ZNF878: variants seen among roughly 807,000 people sequenced by gnomAD.
ZNF878 encodes the protein zinc finger protein 878.
Under a neutral mutation model 11.1 loss-of-function variants are expected in ZNF878, and 10 were observed. The observed-to-expected ratio is 0.90, with a 90% CI of 0.56 to 1.53. The LOEUF (loss-of-function observed/expected upper bound fraction) is 1.53, where lower values mean the gene tolerates loss of function less well. ZNF878 is among the 40% of genes most tolerant of loss of function. The pLI is 0.00. For synonymous variants in ZNF878, 165 were observed against 209.7 expected (o/e 0.79, Z 1.84); for missense variants, 548 against 626.1 (o/e 0.88, Z 1.33).
Position 12,043,992 on chromosome 19 carries a change from T to C in ZNF878, c.1409A>G (p.Lys470Arg). 6.2e-7 allele frequency: 1 copy of C among 1,610,714 alleles called. No individual in the cohort carries two copies. The highest frequency in any genetic ancestry group is 2.2e-5 in the East Asian group (1 of 44,704). ...FISSNSIRYH[K>R]RTHTGEKPYK... The stretch of plus-strand genomic sequence containing the variant: ...GGGTTTCTCTCCAGTGTGAGTCCTT[T>C]TATGATAGCGAATAGAATTAGAAGA... Residue 470 changes from lysine (K) to arginine (R), a missense_variant, in exon 4 of 4, where the codon AAA becomes AGA. Lys to Arg is a conservative substitution (Grantham distance 26). Around this residue, in one of 3 missense-constraint regions of ZNF878, gnomAD observed 335 missense variants for 358.2 expected, o/e 0.94. Transcript: ENST00000547628.
At position 12,052,951 on chromosome 19, in the gene ZNF878, G is replaced by A; in HGVS notation, c.-150C>T. The A allele has an allele frequency of 1.5e-6, 2 of 1,345,910 alleles. No homozygotes were observed. Among genetic ancestry groups the A allele is most frequent in the Non-Finnish European group, 2.0e-6 (2 of 995,206 alleles). 83.4% of individuals were successfully genotyped at this position (1,345,910 alleles called of 1,614,324 possible). A position where few individuals can be genotyped will look rare whatever the true frequency, so the allele number is the denominator to read the frequency against. ...CCCCAGACCTTAACTAGCGCGAGCAGCCCTAGGAGTGAAGAGAGCGGGAAT... is the reference window on the plus strand; with the variant it reads ...CCCCAGACCTTAACTAGCGCGAGCAACCCTAGGAGTGAAGAGAGCGGGAAT... On this transcript the variant is annotated 5_prime_UTR_variant, in exon 1 of 4. Transcript: ENST00000547628.
chr19:12,052,576 G>T (rs1975561925), intron 1 of ZNF878, among the ~76,000 whole-genome samples: 1 of 152,324 alleles, frequency 6.6e-6, no homozygotes, highest in African/African-American at 2.4e-5. Flanking sequence ...CCGGGGCCGG[G>T]GCCGCAGTCG....
At chr19:12,049,481 A>AAAAAAAAAAAAG (rs1568352588) in intron 1 of ZNF878, among the ~76,000 whole-genome samples, 2 of 148,916 alleles carry the variant, frequency 1.3e-5, no homozygotes, top group Admixed American at 1.4e-4. Flanking sequence ...AAAAAAAAAA[A>AAAAAAAAAAAAG]GAATAACAGG....
At chr19:12,047,806 C>T (rs1250473728) in intron 1 of ZNF878, among the ~76,000 whole-genome samples, 1 of 152,044 alleles carries the variant, frequency 6.6e-6, no homozygotes, top group Non-Finnish European at 1.5e-5. Context: ...AATAGATAAT[C>T]CCAAGTGTTG....
intron 1 of ZNF878, among the ~76,000 whole-genome samples, chr19:12,051,095 C>CAAAAAA (rs370628123): frequency 3.8e-4 from 14 of 37,052 alleles, no homozygotes; most frequent in South Asian, 8.9e-4. Context: ...GACTCCGTCT[C>CAAAAAA]AAAAAAAAAA....
At chr19:12,046,331 T>C (rs371369056) in intron 3 of ZNF878, 37 bp downstream of exon 3, 15 of 1,431,372 alleles carry the variant, frequency 1.0e-5, no homozygotes, top group Non-Finnish European at 1.2e-5. Flanking sequence ...TAAGATTGTA[T>C]ACAGAGACAT....
intron 1 of ZNF878, 122 bp downstream of exon 1, chr19:12,052,676 AG>A: frequency 7.9e-7 from 1 of 1,269,130 alleles, no homozygotes; most frequent in Non-Finnish European, 1.1e-6. Flanking sequence ...GAGCTGCGCT[AG>A]GGGGACTGTG....
At chr19:12,046,065 T>C in intron 3 of ZNF878, 1 of 306,236 alleles carries the variant, frequency 3.3e-6, no homozygotes, top group East Asian at 5.6e-5. Flanking sequence ...ACGGTCTTTG[T>C]CTTTTTGTCT....
downstream of ZNF878, chr19:12,043,675 A>C: frequency 1.2e-6 from 1 of 864,172 alleles, no homozygotes; most frequent in East Asian, 2.7e-5. Flanking sequence ...TCTTCAGCTT[A>C]AGCAATCCTC....
chr19:12,050,652 T>C (rs892223671), intron 1 of ZNF878, among the ~76,000 whole-genome samples: 14 of 152,168 alleles, frequency 9.2e-5, no homozygotes, highest in Non-Finnish European at 1.6e-4. Flanking sequence ...ATATTTTAAA[T>C]GACAAGCAAG....
At position 12,044,823 on chromosome 19, in the gene ZNF878, T is replaced by C. The variant is rs1425047947; in HGVS notation, c.578A>G (p.His193Arg). Reference sequence around the variant, plus strand: ...ACATTCATAGGGTTTTTTTGCAGAGTGGATTCTTTCATGTCTACGAACAGA... The same window carrying C: ...ACATTCATAGGGTTTTTTTGCAGAGCGGATTCTTTCATGTCTACGAACAGA... The part of the protein sequence containing the change: ...PSSVRRHERI[H>R]SAKKPYECKQ... The change falls in exon 4 of 4, where the codon CAC (histidine) becomes CGC (arginine). Residue 193 changes from histidine to arginine, a missense_variant. Around this residue, in one of 3 missense-constraint regions of ZNF878, gnomAD observed 53 missense variants for 94.6 expected, o/e 0.56. Transcript: ENST00000547628. The C allele has an allele frequency of 6.2e-7, 1 of 1,614,084 alleles. No individual in the cohort carries two copies. Among genetic ancestry groups the C allele is most frequent in the African/African-American group, 1.3e-5 (1 of 75,022 alleles).
chr19:12,046,593 G>C, intron 2 of ZNF878, 41 bp downstream of exon 2: 1 of 1,613,150 alleles, frequency 6.2e-7, no homozygotes, highest in South Asian at 1.1e-5. Context: ...AGAAACACCT[G>C]TTCTTTAATT....
At chr19:12,047,912 A>G (rs1055807524) in intron 1 of ZNF878, among the ~76,000 whole-genome samples, 8 of 152,242 alleles carry the variant, frequency 5.3e-5, no homozygotes, top group African/African-American at 1.7e-4. Flanking sequence ...GAATTTATCC[A>G]TAATATACAA....
intron 3 of ZNF878, chr19:12,046,083 T>G: frequency 2.8e-6 from 1 of 358,512 alleles, no homozygotes; most frequent in Non-Finnish European, 5.0e-6. Context: ...TCTGTTTAGT[T>G]TTGAGTCAGG....
In ZNF878 at chr19:12,046,648, T is replaced by C. The variant is rs1975492610; in HGVS notation, c.116A>G (p.Asn39Ser). The change falls in exon 2 of 4, where the codon AAC becomes AGC. Residue 39 changes from asparagine (N) to serine (S), a missense_variant. By Grantham distance (46) the Asn-to-Ser change is conservative (BLOSUM62 1). Transcript: ENST00000547628. ...GTCATTCTTACCTATGGAGGTCAGG[T>C]TCCTCAAGGTTTCCTGCATCACTTC... Reference protein sequence around the residue: ...YREVMQETLRNLTSIGKKWNN... With the variant: ...YREVMQETLRSLTSIGKKWNN... The C allele has an allele frequency of 1.9e-6, 3 of 1,613,916 alleles. No homozygotes were observed. The highest frequency in any genetic ancestry group is 2.5e-6 in the Non-Finnish European group (3 of 1,179,934).
chr19:12,046,541 TC>T, intron 2 of ZNF878, 92 bp downstream of exon 2: 1 of 1,585,954 alleles, frequency 6.3e-7, no homozygotes, highest in Non-Finnish European at 8.6e-7. Flanking sequence ...TTCAAAGTAT[TC>T]CCTGACCATA....
chr19:12,049,897 G>A (rs1219602045), intron 1 of ZNF878, among the ~76,000 whole-genome samples: 3 of 151,904 alleles, frequency 2.0e-5, no homozygotes, highest in African/African-American at 7.3e-5. Flanking sequence ...GTGTTCCCAA[G>A]TATATTCTTA....
In ZNF878 at chr19:12,043,832, T is replaced by C. The variant is rs200596157; in HGVS notation, c.1569A>G (p.Gln523=). 31 of 1,608,488 alleles carry C rather than the reference T, an allele frequency of 1.9e-5. No individual in the cohort carries two copies. The highest frequency in any genetic ancestry group is 1.7e-4 in the Middle Eastern group (1 of 6,046). The stretch of plus-strand genomic sequence containing the variant: ...AGCCAGCGTGAGTCCTTACATGCTT[T>C]TGAAGGATTGAGGCAGATCTAAAGG... The part of the protein sequence containing the change: ...GKAFRSASIL[Q]KHVRTHAG Residue 523 remains glutamine (Q), a synonymous_variant, in exon 4 of 4, where the codon CAA becomes CAG. Coordinates refer to ENST00000547628, the MANE Select transcript of ZNF878 (RefSeq NM_001080404.3).
rs375790772 is a variant in ZNF878 at position 12,043,813 on chromosome 19, C to A, written c.1588G>T (p.Ala530Ser). ...SILQKHVRTH[A>S]G ...TTACATCCATAGAGTTTCTAGCCAG[C>A]GTGAGTCCTTACATGCTTTTGAAGG... The change falls in exon 4 of 4, where the codon GCT becomes TCT. Residue 530 changes from alanine (A) to serine (S), a missense_variant. By Grantham distance (99) the Ala-to-Ser change is moderately conservative. This residue lies in a region of ZNF878 where 335 missense variants were observed against 358.2 expected (regional missense o/e 0.94). Transcript: ENST00000547628. 1 of 1,598,254 alleles carries A rather than the reference C, an allele frequency of 6.3e-7. No individual in the cohort carries two copies. The highest frequency in any genetic ancestry group is 8.5e-7 in the Non-Finnish European group (1 of 1,174,148).
Sources: allele counts gnomAD v4.1 joint callset (sites outside exome capture counted in the v4.1 genomes callset), GRCh38; gene constraint gnomAD v4.1.1; regional missense constraint gnomAD v4.1.1; transcripts MANE v1.5; gene names NCBI Gene and HGNC (gene_info 2026-07-23, HGNC 2026-07-21).